The following SLC38A12 variants were observed in gnomAD, a reference collection of about 807,000 sequenced individuals.
The protein encoded by SLC38A12 is solute carrier family 38 member 12, also known as putative sodium-coupled neutral amino acid transporter 12.
chr17:74,783,075 A>C, the SLC38A12 span, among the ~76,000 whole-genome samples: 1 of 152,240 alleles, frequency 6.6e-6, no homozygotes, highest in Admixed American at 6.5e-5. Context: ...GGTTGCAGTG[A>C]GCCAAGAGCA....
At chr17:74,796,806 G>A in the SLC38A12 span, among the ~76,000 whole-genome samples, 811 of 152,360 alleles carry the variant, frequency 5.3e-3, 8 homozygotes, top group African/African-American at 0.019. Flanking sequence ...GCCTTGGGGC[G>A]GGAAAAGGTA....
the SLC38A12 span, among the ~76,000 whole-genome samples, chr17:74,799,283 G>C: frequency 1.3e-5 from 2 of 152,238 alleles, no homozygotes; most frequent in Non-Finnish European, 2.9e-5. Context: ...CAGGTGGCCC[G>C]GCAGGCCCCG....
chr17:74,831,871 G>A, the SLC38A12 span, among the ~76,000 whole-genome samples: 4 of 152,250 alleles, frequency 2.6e-5, no homozygotes, highest in Non-Finnish European at 4.4e-5. Flanking sequence ...AGCCCCGGGC[G>A]TCGGTGTGGC....
the SLC38A12 span, among the ~76,000 whole-genome samples, chr17:74,818,658 C>T: frequency 0.02 from 3,114 of 152,294 alleles, 94 homozygotes; most frequent in African/African-American, 0.071. Flanking sequence ...CAAGTGGGCC[C>T]GCTCCCCACA....
chr17:74,832,128 G>A, the SLC38A12 span, among the ~76,000 whole-genome samples: 2 of 152,034 alleles, frequency 1.3e-5, no homozygotes, highest in South Asian at 2.1e-4. Context: ...GTTAAGCCTC[G>A]GGCCATGGTC....
chr17:74,824,460 C>G, the SLC38A12 span, among the ~76,000 whole-genome samples: 1 of 152,256 alleles, frequency 6.6e-6, no homozygotes, highest in Non-Finnish European at 1.5e-5. Context: ...CCCTGCCCCG[C>G]CGCAGGGAGC....
chr17:74,786,225 C>G, the SLC38A12 span, among the ~76,000 whole-genome samples: 1 of 152,260 alleles, frequency 6.6e-6, no homozygotes, highest in East Asian at 1.9e-4. Flanking sequence ...TTCCCACACA[C>G]GTAGGGACTA....
the SLC38A12 span, among the ~76,000 whole-genome samples, chr17:74,817,897 C>T: frequency 5.9e-5 from 9 of 152,138 alleles, no homozygotes; most frequent in South Asian, 8.3e-4. Flanking sequence ...ATAATTTCAG[C>T]GGGAAGTCAG....
the SLC38A12 span, among the ~76,000 whole-genome samples, chr17:74,823,538 A>G: frequency 6.6e-6 from 1 of 152,256 alleles, no homozygotes; most frequent in Non-Finnish European, 1.5e-5. Flanking sequence ...CAAAGCATGG[A>G]TGACATGTGA....
chr17:74,786,477 T>C, the SLC38A12 span, among the ~76,000 whole-genome samples: 3 of 152,348 alleles, frequency 2.0e-5, no homozygotes, highest in South Asian at 2.1e-4. Context: ...TGGGGAGAAG[T>C]GACAGCGAGC....
At chr17:74,793,983 G>C in the SLC38A12 span, among the ~76,000 whole-genome samples, 1 of 152,102 alleles carries the variant, frequency 6.6e-6, no homozygotes, top group South Asian at 2.1e-4. Context: ...GATTAAAAGG[G>C]AACTGTCACT....
chr17:74,785,728 A>C, the SLC38A12 span: 2 of 1,325,932 alleles, frequency 1.5e-6, no homozygotes, highest in East Asian at 2.6e-5. Flanking sequence ...TATCGAGCTC[A>C]GTGAGTCCTT....
At chr17:74,785,735 C>T in the SLC38A12 span, 2 of 1,277,038 alleles carry the variant, frequency 1.6e-6, no homozygotes, top group Non-Finnish European at 2.1e-6. Context: ...CTCAGTGAGT[C>T]CTTGCCAGGG....
chr17:74,778,632 G>T, the SLC38A12 span, among the ~76,000 whole-genome samples: 1 of 148,302 alleles, frequency 6.7e-6, no homozygotes, highest in Non-Finnish European at 1.5e-5. Context: ...AATTTCTCAG[G>T]GGAAGTCTTT....
At chr17:74,788,892 C>G in the SLC38A12 span, 1 of 1,604,778 alleles carries the variant, frequency 6.2e-7, no homozygotes, top group Non-Finnish European at 8.5e-7. Flanking sequence ...GCCCTCGTCT[C>G]CGGGCCATGC....
At chr17:74,837,842 C>A in the SLC38A12 span, 2 of 986,002 alleles carry the variant, frequency 2.0e-6, no homozygotes, top group Non-Finnish European at 2.4e-6. Context: ...TGCTTCAGGA[C>A]CTGGGGGTCC....
At chr17:74,838,751 G>C in the SLC38A12 span, 1 of 1,462,786 alleles carries the variant, frequency 6.8e-7, no homozygotes, top group South Asian at 1.4e-5. Flanking sequence ...TGGGGCTTGG[G>C]GCCAGGGGCA....
At chr17:74,838,740 A>G in the SLC38A12 span, 27 of 1,449,642 alleles carry the variant, frequency 1.9e-5, no homozygotes, top group Middle Eastern at 2.5e-4. Flanking sequence ...CTGACGGCCA[A>G]TGGGGCTTGG....
chr17:74,837,832 T>C, the SLC38A12 span: 2 of 986,036 alleles, frequency 2.0e-6, no homozygotes, highest in Middle Eastern at 5.2e-4. Context: ...TGCCTTCTAC[T>C]GCTTCAGGAC....
Sources: gnomAD v4.1 joint callset for allele counts (sites outside exome capture counted in the v4.1 genomes callset) on GRCh38, gnomAD v4.1.1 for gene constraint, MANE v1.5 for transcripts, NCBI Gene and HGNC (gene_info 2026-07-23, HGNC 2026-07-21) for gene names.